Variants in ADAMTS20 observed in about 807,000 individuals in gnomAD.
ADAMTS20 encodes ADAM metallopeptidase with thrombospondin type 1 motif 20, also known as A disintegrin and metalloproteinase with thrombospondin motifs 20.
A neutral mutation model predicts 260.1 loss-of-function variants in ADAMTS20; 225 were observed. That is an observed-to-expected ratio of 0.87 (90% CI 0.78 to 0.97). ADAMTS20 has a LOEUF of 0.97. Ranked by LOEUF, ADAMTS20 falls within the 50% of genes least tolerant of loss-of-function variation. The probability of loss-of-function intolerance (pLI) is 0.00; values close to 1 mark genes in which losing one functional copy is unlikely to be tolerated. For missense variants in ADAMTS20, 2,400 were observed against 2,337.7 expected (o/e 1.03, Z -0.55); for synonymous variants, 802 against 769.5 (o/e 1.04, Z -0.70).
rs1000723243 is a variant in ADAMTS20 at position 43,428,255 on chromosome 12, C to T, written c.3931G>A (p.Gly1311Arg). 5.6e-6 allele frequency: 9 copies of T among 1,613,640 alleles called. No individual in the cohort carries two copies. The highest frequency in any genetic ancestry group is 3.3e-5 in the Admixed American group (2 of 59,982). Residue 1311 changes from glycine to arginine, a missense_variant, in exon 26 of 39, where the codon GGA (glycine) becomes AGA (arginine). Physicochemically the swap from Gly to Arg is moderately radical, Grantham distance 125. Coordinates refer to ENST00000389420, the MANE Select transcript of ADAMTS20 (RefSeq NM_025003.5). ...PSVRGNQWRTGPWGSCSSSCS... is the reference protein window; with the variant it reads ...PSVRGNQWRTRPWGSCSSSCS... ...AGATGGCTTACTGATCCCCATGGTCCGGTTCTCCACTGGTTTCCTCTGACT... is the reference window on the plus strand; with the variant it reads ...AGATGGCTTACTGATCCCCATGGTCTGGTTCTCCACTGGTTTCCTCTGACT...
At chr12:43,502,871 G>A (rs111967942) in intron 3 of ADAMTS20, among the ~76,000 whole-genome samples, 1 of 151,926 alleles carries the variant, frequency 6.6e-6, no homozygotes, top group Admixed American at 6.6e-5. Flanking sequence ...TACTACATGC[G>A]AAAAGCACCA....
intron 7 of ADAMTS20, among the ~76,000 whole-genome samples, chr12:43,488,578 C>T (rs773841852): frequency 1.3e-5 from 2 of 152,070 alleles, no homozygotes; most frequent in Non-Finnish European, 2.9e-5. Context: ...TGTAGCATTT[C>T]CGGGTAAATG....
chr12:43,377,001 T>C, intron 32 of ADAMTS20, among the ~76,000 whole-genome samples: 1 of 152,248 alleles, frequency 6.6e-6, no homozygotes, highest in East Asian at 1.9e-4. Context: ...TTACTTGCTT[T>C]CTATCAATTA....
At chr12:43,450,346 C>T (rs1174329221) in intron 14 of ADAMTS20, among the ~76,000 whole-genome samples, 1 of 152,098 alleles carries the variant, frequency 6.6e-6, no homozygotes, top group Non-Finnish European at 1.5e-5. Context: ...AAGAAAATTT[C>T]TTAAGCCTAG....
Position 43,464,575 on chromosome 12 carries a change from A to G in ADAMTS20, c.1509+16T>C. On this transcript the variant is annotated intron_variant, in intron 10 of 38. Coordinates refer to ENST00000389420, the MANE Select transcript of ADAMTS20 (RefSeq NM_025003.5). Reference sequence around the variant, plus strand: ...TGGCAGTTTTCGAACAAAATAAAGGAATTTTCTTTTCTTACTATATGGGGA... The same window carrying G: ...TGGCAGTTTTCGAACAAAATAAAGGGATTTTCTTTTCTTACTATATGGGGA... 6.2e-7 allele frequency: 1 copy of G among 1,605,114 alleles called. No homozygotes were observed. Among genetic ancestry groups the G allele is most frequent in the Non-Finnish European group, 8.5e-7 (1 of 1,177,320 alleles).
chr12:43,508,096 G>A (rs1225691616), intron 3 of ADAMTS20, among the ~76,000 whole-genome samples: 3 of 151,880 alleles, frequency 2.0e-5, no homozygotes, highest in African/African-American at 7.3e-5. Flanking sequence ...TGTGACACAG[G>A]TTTACCTACA....
intron 3 of ADAMTS20, among the ~76,000 whole-genome samples, chr12:43,508,084 C>CCTGTGACA (rs1346761532): frequency 2.6e-5 from 4 of 151,836 alleles, no homozygotes; most frequent in Non-Finnish European, 5.9e-5. Flanking sequence ...TCGACAAACC[C>CCTGTGACA]CTGTGACACA....
chr12:43,513,362 T>C (rs1270595243), intron 3 of ADAMTS20, among the ~76,000 whole-genome samples: 2 of 152,220 alleles, frequency 1.3e-5, no homozygotes, highest in African/African-American at 2.4e-5. Flanking sequence ...GGAAGATTCC[T>C]GCATACATTG....
intron 31 of ADAMTS20, among the ~76,000 whole-genome samples, chr12:43,381,780 C>CAAAAAAAAAAAAAAAAA (rs765135656): frequency 2.9e-5 from 1 of 34,518 alleles, no homozygotes; most frequent in Admixed American, 4.0e-4. Flanking sequence ...GACTGCATCT[C>CAAAAAAAAAAAAAAAAA]AAAAAAAAAA....
At chr12:43,481,524 G>T (rs1942441773) in intron 7 of ADAMTS20, among the ~76,000 whole-genome samples, 1 of 152,052 alleles carries the variant, frequency 6.6e-6, no homozygotes, top group Admixed American at 6.6e-5. Context: ...TTAAAGAAGA[G>T]GAAATATATT....
intron 37 of ADAMTS20, 87 bp from the exon 38 acceptor site, chr12:43,356,675 T>TG (rs1565662407): frequency 3.5e-6 from 3 of 864,144 alleles, no homozygotes; most frequent in Non-Finnish European, 5.5e-6. Context: ...AAGGGGCAAC[T>TG]GAATTAATAC....
chr12:43,525,195 T>G (rs1041077065), intron 3 of ADAMTS20, among the ~76,000 whole-genome samples: 3 of 152,198 alleles, frequency 2.0e-5, no homozygotes, highest in Non-Finnish European at 4.4e-5. Context: ...AGCAGAAACC[T>G]TGCAAGCAAG....
intron 2 of ADAMTS20, among the ~76,000 whole-genome samples, chr12:43,546,827 A>C (rs1943446666): frequency 6.6e-6 from 1 of 152,188 alleles, no homozygotes; most frequent in African/African-American, 2.4e-5. Context: ...ATAAATCTCT[A>C]TTCAGAAATG....
chr12:43,503,712 C>T (rs1387092298), intron 3 of ADAMTS20, among the ~76,000 whole-genome samples: 1 of 152,056 alleles, frequency 6.6e-6, no homozygotes, highest in African/African-American at 2.4e-5. Flanking sequence ...GATCCTCTCC[C>T]TCCTCCCACC....
chr12:43,469,521 T>C (rs754796067), intron 7 of ADAMTS20, among the ~76,000 whole-genome samples: 1 of 152,170 alleles, frequency 6.6e-6, no homozygotes, highest in East Asian at 1.9e-4. Context: ...TAGTTTTTCA[T>C]TTACTTATTT....
chr12:43,421,584 G>A (rs549550678), intron 28 of ADAMTS20, among the ~76,000 whole-genome samples: 26 of 152,086 alleles, frequency 1.7e-4, no homozygotes, highest in Admixed American at 1.3e-3. Flanking sequence ...ATATATGAAT[G>A]AGAAAAGTAA....
At chr12:43,357,403 TTTATA>T (rs1259309182) in intron 37 of ADAMTS20, among the ~76,000 whole-genome samples, 3 of 152,294 alleles carry the variant, frequency 2.0e-5, no homozygotes, top group East Asian at 1.9e-4. Context: ...AACACTGGAT[TTTATA>T]TTATATGAAT....
intron 2 of ADAMTS20, among the ~76,000 whole-genome samples, chr12:43,536,606 C>T (rs1013797572): frequency 4.6e-5 from 7 of 152,234 alleles, no homozygotes; most frequent in South Asian, 4.1e-4. Context: ...AGGAGGTAGC[C>T]GTGGAAAATT....
rs532006609 is a variant in ADAMTS20 at position 43,358,454 on chromosome 12, TTAAC to T, written c.5539-1870_5539-1867del. Among the ~76,000 whole-genome samples, 1,027 of 152,304 alleles carry T rather than the reference TTAAC, an allele frequency of 6.7e-3. 6 individuals are homozygous for T. The highest frequency in any genetic ancestry group is 9.6e-3 in the Non-Finnish European group (656 of 68,016). On this transcript the variant is annotated intron_variant, in intron 37 of 38. Transcript: ENST00000389420. Reference sequence around the variant, plus strand: ...ATACATCTCACTCATTTGTTCAAAATTAACTGACTGGCAGACATGGTGTCAAGTA... The same window carrying T: ...ATACATCTCACTCATTTGTTCAAAATTGACTGGCAGACATGGTGTCAAGTA...
Sources: allele counts gnomAD v4.1 joint callset (sites outside exome capture counted in the v4.1 genomes callset), GRCh38; gene constraint gnomAD v4.1.1; transcripts MANE v1.5; gene names NCBI Gene and HGNC (gene_info 2026-07-23, HGNC 2026-07-21).